LINGO2: variants seen among roughly 807,000 people sequenced by gnomAD.
LINGO2 encodes the protein leucine-rich repeat and immunoglobulin-like domain-containing nogo receptor-interacting protein 2.
A neutral mutation model predicts 30.6 loss-of-function variants in LINGO2; 14 were observed. That is an observed-to-expected ratio of 0.46 (90% confidence interval 0.30 to 0.72). LINGO2 has a LOEUF of 0.72. LINGO2 is among the 30% of genes least tolerant of loss of function. The probability of loss-of-function intolerance (pLI) is 0.07; values close to 1 mark genes in which losing one functional copy is unlikely to be tolerated. For missense variants in LINGO2, 729 were observed against 751.7 expected (o/e 0.97, Z 0.35); for synonymous variants, 317 against 288.5 (o/e 1.10, Z -1.00).
At chr9:28,982,917 C>G in the LINGO2 span, among the ~76,000 whole-genome samples, 3 of 151,484 alleles carry the variant, frequency 2.0e-5, no homozygotes, top group African/African-American at 7.3e-5. Context: ...AAATGTATCT[C>G]CATTTGGTTT....
chr9:29,212,980 C>T, the LINGO2 span, among the ~76,000 whole-genome samples: 1 of 152,220 alleles, frequency 6.6e-6, no homozygotes, highest in Non-Finnish European at 1.5e-5. Context: ...GGATGCGACG[C>T]ACACAAGTCC....
intron 1 of LINGO2, among the ~76,000 whole-genome samples, chr9:28,546,401 T>C (rs1179881785): frequency 6.6e-6 from 1 of 152,064 alleles, no homozygotes; most frequent in African/African-American, 2.4e-5. Flanking sequence ...AAAAATGTGA[T>C]TGGACAAAAA....
At chr9:29,039,653 C>T in the LINGO2 span, among the ~76,000 whole-genome samples, 1 of 152,120 alleles carries the variant, frequency 6.6e-6, no homozygotes, top group Non-Finnish European at 1.5e-5. Flanking sequence ...GCTACCCCGA[C>T]CTTTCTAACC....
the LINGO2 span, among the ~76,000 whole-genome samples, chr9:28,848,799 T>C: frequency 6.6e-6 from 1 of 151,814 alleles, no homozygotes; most frequent in Non-Finnish European, 1.5e-5. Flanking sequence ...TGAGTTTTAT[T>C]TTAAATACAG....
chr9:28,842,431 A>C, the LINGO2 span, among the ~76,000 whole-genome samples: 1 of 151,886 alleles, frequency 6.6e-6, no homozygotes, highest in East Asian at 1.9e-4. Flanking sequence ...ACACTTATTA[A>C]GGATGAAAAA....
At chr9:28,620,578 G>A (rs1438470) in intron 1 of LINGO2, among the ~76,000 whole-genome samples, 14,496 of 151,976 alleles carry the variant, frequency 0.095, 886 homozygotes, top group East Asian at 0.19. Flanking sequence ...TTTCAAGGCC[G>A]GGACCTCAGT....
the LINGO2 span, among the ~76,000 whole-genome samples, chr9:29,124,780 T>C: frequency 6.6e-6 from 1 of 152,094 alleles, no homozygotes; most frequent in South Asian, 2.1e-4. Context: ...GGAAAGGATG[T>C]GGAGAAATAG....
At chr9:28,359,726 T>G (rs758764793) in intron 3 of LINGO2, among the ~76,000 whole-genome samples, 1 of 152,172 alleles carries the variant, frequency 6.6e-6, no homozygotes, top group Non-Finnish European at 1.5e-5. Flanking sequence ...CCAATGTGTA[T>G]AGTGAAGTTG....
chr9:28,603,735 T>C (rs1004257330), intron 1 of LINGO2, among the ~76,000 whole-genome samples: 7 of 152,170 alleles, frequency 4.6e-5, no homozygotes, highest in Non-Finnish European at 1.0e-4. Flanking sequence ...GCTGCAAATA[T>C]GCTGGCGATT....
chr9:28,952,083 G>A, the LINGO2 span, among the ~76,000 whole-genome samples: 1 of 152,150 alleles, frequency 6.6e-6, no homozygotes, highest in Admixed American at 6.5e-5. Flanking sequence ...GTGCGTGGAT[G>A]GAGAGCCCAT....
At chr9:27,949,506 C>CGGATGG in exon 6 of LINGO2, 1 of 1,614,088 alleles carries the variant, frequency 6.2e-7, no homozygotes, top group South Asian at 1.1e-5. Flanking sequence ...AGACCTCTCA[C>CGGATGG]GGATGGTGTC....
intron 3 of LINGO2, among the ~76,000 whole-genome samples, chr9:28,369,945 G>T (rs546133484): frequency 6.6e-6 from 1 of 152,090 alleles, no homozygotes; most frequent in Non-Finnish European, 1.5e-5. Context: ...GGGCAAAATA[G>T]GTTATTTATA....
chr9:28,801,923 G>A, the LINGO2 span, among the ~76,000 whole-genome samples: 2 of 151,884 alleles, frequency 1.3e-5, no homozygotes, highest in African/African-American at 2.4e-5. Context: ...GGAAAATATA[G>A]TGTGCCAAAA....
At chr9:28,267,688 C>T (rs1275490735) in intron 4 of LINGO2, among the ~76,000 whole-genome samples, 1 of 151,940 alleles carries the variant, frequency 6.6e-6, no homozygotes, top group African/African-American at 2.4e-5. Context: ...TTTTATGAAC[C>T]CTTCATGAAC....
intron 1 of LINGO2, among the ~76,000 whole-genome samples, chr9:28,664,977 T>C (rs1415464222): frequency 1.5e-5 from 2 of 135,528 alleles, no homozygotes; most frequent in Non-Finnish European, 3.2e-5. Flanking sequence ...TTCATCTGTA[T>C]TATTTATGTA....
Position 28,305,168 on chromosome 9 carries a change from A to T in LINGO2, c.-245-9802T>A, listed in dbSNP as rs146776699. Among the ~76,000 whole-genome samples, 3 of 152,238 alleles carry T rather than the reference A, an allele frequency of 2.0e-5. No individual in the cohort carries two copies. In the East Asian group the frequency reaches 5.8e-4, roughly 29 times the overall value. On this transcript the variant is annotated intron_variant, in intron 3 of 5. Transcript: ENST00000379992. The stretch of plus-strand genomic sequence containing the variant: ...TGACATACAAAAAGCATTTGACAAA[A>T]TTCAACATCAATTCCTCATAAAAAC...
At chr9:28,071,252 T>C (rs1342705952) in intron 4 of LINGO2, among the ~76,000 whole-genome samples, 1 of 152,182 alleles carries the variant, frequency 6.6e-6, no homozygotes, top group Non-Finnish European at 1.5e-5. Flanking sequence ...TCAAGTGTGG[T>C]GCTCAGCTCT....
intron 2 of LINGO2, among the ~76,000 whole-genome samples, chr9:28,431,795 T>A (rs2134954977): frequency 6.6e-6 from 1 of 152,326 alleles, no homozygotes; most frequent in East Asian, 1.9e-4. Flanking sequence ...CTATTTTAAA[T>A]GTTTTATCCA....
At chr9:28,996,118 TAA>T in the LINGO2 span, among the ~76,000 whole-genome samples, 7,162 of 144,388 alleles carry the variant, frequency 0.05, 207 homozygotes, top group Admixed American at 0.091. Flanking sequence ...TATATTGCTT[TAA>T]AAAAAAAAAA....
Sources: allele counts gnomAD v4.1 joint callset (sites outside exome capture counted in the v4.1 genomes callset), GRCh38; gene constraint gnomAD v4.1.1; transcripts MANE v1.5; gene names NCBI Gene and HGNC (gene_info 2026-07-23, HGNC 2026-07-21).